RBBP8: variants seen among roughly 807,000 people sequenced by gnomAD.
The protein encoded by RBBP8 is DNA endonuclease RBBP8.
Under a neutral mutation model 108.3 loss-of-function variants are expected in RBBP8, and 88 were observed. The ratio of observed to expected loss-of-function variants is 0.81; its 90% CI spans 0.68 to 0.97. The LOEUF (loss-of-function observed/expected upper bound fraction) is 0.97, where lower values mean the gene tolerates loss of function less well. Ranked by LOEUF, RBBP8 falls within the 50% of genes least tolerant of loss-of-function variation. RBBP8 has a pLI of 0.00. For synonymous variants in RBBP8, 332 were observed against 348.2 expected, an observed-to-expected ratio of 0.95 and a Z score of 0.52; for missense variants, 1,023 against 1,049.0, an observed-to-expected ratio of 0.98 and a Z score of 0.34.
chr18:22,957,929 T>G (rs1193639133), intron 4 of RBBP8, among the ~76,000 whole-genome samples: 1 of 152,230 alleles, frequency 6.6e-6, no homozygotes, highest in East Asian at 1.9e-4. Context: ...TTTGAAAAGT[T>G]ATTGTTTTAG....
Position 22,990,925 on chromosome 18 carries a change from T to G in RBBP8, c.808-12T>G. The G allele has an allele frequency of 1.3e-6, 2 of 1,580,980 alleles. No individual in the cohort carries two copies. Among genetic ancestry groups the G allele is most frequent in the Non-Finnish European group, 1.7e-6 (2 of 1,150,306 alleles). On this transcript the variant is annotated splice_polypyrimidine_tract_variant and intron_variant, in intron 9 of 18. Coordinates refer to ENST00000327155, the MANE Select transcript of RBBP8 (RefSeq NM_002894.3). ...CCATTACATGGATGTGCTTCATATT[T>G]TACTCTTGAAGGAAACTCAAGGTCC...
At chr18:22,988,120 C>G (rs1915454191) in intron 8 of RBBP8, among the ~76,000 whole-genome samples, 1 of 152,308 alleles carries the variant, frequency 6.6e-6, no homozygotes, top group Non-Finnish European at 1.5e-5. Context: ...CCCTATTATA[C>G]TAGTTTAGGC....
At chr18:23,020,899 C>T (rs545512208) in intron 17 of RBBP8, among the ~76,000 whole-genome samples, 1 of 152,216 alleles carries the variant, frequency 6.6e-6, no homozygotes, top group South Asian at 2.1e-4. Context: ...GTAACAAAGG[C>T]TTATACTTAG....
chr18:22,924,213 C>T (rs1909708394), intron 3 of RBBP8, among the ~76,000 whole-genome samples: 1 of 147,540 alleles, frequency 6.8e-6, no homozygotes, highest in South Asian at 2.2e-4. Context: ...ACTGCAACCT[C>T]TGCCTCCCTG....
At chr18:23,000,996 A>AT (rs1317536144) in intron 14 of RBBP8, among the ~76,000 whole-genome samples, 1 of 152,228 alleles carries the variant, frequency 6.6e-6, no homozygotes, top group East Asian at 1.9e-4. Context: ...TCTTAGAATC[A>AT]TGTTAGCATG....
At chr18:22,969,336 A>G (rs1913893425) in intron 5 of RBBP8, among the ~76,000 whole-genome samples, 1 of 151,986 alleles carries the variant, frequency 6.6e-6, no homozygotes, top group African/African-American at 2.4e-5. Flanking sequence ...TAAGTATACT[A>G]TTTTCAGTTT....
At chr18:23,023,283 T>C (rs2046402925) in intron 18 of RBBP8, among the ~76,000 whole-genome samples, 1 of 152,202 alleles carries the variant, frequency 6.6e-6, no homozygotes, top group Admixed American at 6.5e-5. Context: ...AATCTACTGC[T>C]ATGAATTTTG....
At chr18:23,011,755 A>G (rs147589553) in intron 16 of RBBP8, among the ~76,000 whole-genome samples, 109 of 152,060 alleles carry the variant, frequency 7.2e-4, no homozygotes, top group African/African-American at 2.6e-3. Context: ...TGTTATTATA[A>G]GTGTTTTGGG....
intron 4 of RBBP8, among the ~76,000 whole-genome samples, chr18:22,964,975 T>C (rs1018309736): frequency 1.3e-5 from 2 of 152,134 alleles, no homozygotes; most frequent in Non-Finnish European, 2.9e-5. Flanking sequence ...TACAGCAGCC[T>C]TCAAATAACA....
intron 17 of RBBP8, among the ~76,000 whole-genome samples, chr18:23,017,547 G>A (rs1271399457): frequency 1.7e-4 from 25 of 143,276 alleles, no homozygotes; most frequent in African/African-American, 4.6e-4. Context: ...CCAGCTACTC[G>A]GGAAGCTGAG....
At chr18:22,948,352 A>G (rs1347753169) in intron 3 of RBBP8, among the ~76,000 whole-genome samples, 1 of 151,964 alleles carries the variant, frequency 6.6e-6, no homozygotes, top group African/African-American at 2.4e-5. Flanking sequence ...TATATTTTCT[A>G]GAAGTAGTAG....
intron 16 of RBBP8, among the ~76,000 whole-genome samples, chr18:23,014,667 A>C (rs986568771): frequency 6.6e-6 from 1 of 152,072 alleles, no homozygotes; most frequent in Non-Finnish European, 1.5e-5. Flanking sequence ...GAATAAAATA[A>C]AATGTTGTGC....
chr18:22,992,600 G>A, intron 10 of RBBP8, 148 bp from the exon 11 acceptor site: 1 of 647,108 alleles, frequency 1.5e-6, no homozygotes, highest in Non-Finnish European at 2.6e-6. Flanking sequence ...ATTTTCCTCT[G>A]CTTTTCCCCT....
intron 4 of RBBP8, among the ~76,000 whole-genome samples, chr18:22,959,110 A>G (rs1158544501): frequency 1.3e-5 from 2 of 152,206 alleles, no homozygotes; most frequent in Non-Finnish European, 2.9e-5. Context: ...TGGTTTTTTA[A>G]GCTCATTTTG....
chr18:22,958,715 A>AT (rs1032368808), intron 4 of RBBP8, among the ~76,000 whole-genome samples: 32 of 151,952 alleles, frequency 2.1e-4, no homozygotes, highest in African/African-American at 6.3e-4. Context: ...TAATTTTCTG[A>AT]TTTTTTTATA....
At chr18:22,996,258 T>C (rs2045855291) in intron 12 of RBBP8, 116 bp from the exon 13 acceptor site, 7 of 1,496,868 alleles carry the variant, frequency 4.7e-6, no homozygotes, top group African/African-American at 2.8e-5. Context: ...ATATAAGTCC[T>C]TTACCAGACA....
chr18:22,941,652 C>T (rs553702377), intron 2 of RBBP8, among the ~76,000 whole-genome samples: 3 of 152,032 alleles, frequency 2.0e-5, no homozygotes, highest in South Asian at 4.1e-4. Flanking sequence ...ATATATAAAG[C>T]TTGCAAATAT....
chr18:22,946,280 C>A, intron 2 of RBBP8, 164 bp from the exon 3 acceptor site: 1 of 785,340 alleles, frequency 1.3e-6, no homozygotes, highest in South Asian at 1.9e-5. Context: ...CAATACATTG[C>A]AGATATGCTT....
chr18:22,915,217 G>C (rs1909307941), intron 1 of RBBP8, among the ~76,000 whole-genome samples: 1 of 152,030 alleles, frequency 6.6e-6, no homozygotes, highest in South Asian at 2.1e-4. Context: ...TGTCATCTTA[G>C]TAGGACTTTG....
Sources: allele counts gnomAD v4.1 joint callset (sites outside exome capture counted in the v4.1 genomes callset), GRCh38; gene constraint gnomAD v4.1.1; transcripts MANE v1.5; gene names NCBI Gene and HGNC (gene_info 2026-07-23, HGNC 2026-07-21).